Variants in RPS6KA5 observed in about 807,000 individuals in gnomAD.
RPS6KA5 encodes the protein ribosomal protein S6 kinase A5, also known as ribosomal protein S6 kinase alpha-5.
Under a neutral mutation model 85.5 loss-of-function variants are expected in RPS6KA5, and 27 were observed. That is an observed-to-expected ratio of 0.32 (90% CI 0.23 to 0.44). RPS6KA5 has a LOEUF of 0.44. RPS6KA5 is among the 20% of genes least tolerant of loss of function. The probability of loss-of-function intolerance (pLI) is 1.00; values close to 1 mark genes in which losing one functional copy is unlikely to be tolerated. For synonymous variants in RPS6KA5, 334 were observed against 348.2 expected (o/e 0.96, Z 0.46); for missense variants, 811 against 980.9 (o/e 0.83, Z 2.31).
In RPS6KA5 at chr14:90,978,517, T is replaced by A; in HGVS notation, c.183A>T (p.Gly61=). 6.3e-7 allele frequency: 1 copy of A among 1,577,974 alleles called. No individual in the cohort carries two copies. Among genetic ancestry groups the A allele is most frequent in the African/African-American group, 1.4e-5 (1 of 73,426 alleles). The change falls in exon 3 of 17, where the codon GGA becomes GGT. Residue 61 remains glycine (G), a synonymous_variant. Coordinates refer to ENST00000614987, the MANE Select transcript of RPS6KA5 (RefSeq NM_004755.4). ...TTATTTTACGAACTAGAAATACTTT[T>A]CCATAAGCTGAAAATGAAAAGAAAA... ...LLKVLGTGAY[G]KVFLVRKISG...
intron 1 of RPS6KA5, among the ~76,000 whole-genome samples, chr14:91,045,087 A>C (rs911573679): frequency 1.1e-4 from 16 of 152,276 alleles, no homozygotes; most frequent in African/African-American, 3.6e-4. Flanking sequence ...AGGATTTATA[A>C]TCTACTAAAC....
intron 2 of RPS6KA5, among the ~76,000 whole-genome samples, chr14:90,991,950 A>G (rs777978000): frequency 1.3e-5 from 2 of 152,136 alleles, no homozygotes; most frequent in Admixed American, 6.5e-5. Flanking sequence ...AGTCTTCAAG[A>G]TATTTGATGA....
chr14:91,048,488 C>G (rs1278763035), intron 1 of RPS6KA5, among the ~76,000 whole-genome samples: 3 of 152,016 alleles, frequency 2.0e-5, no homozygotes, highest in Non-Finnish European at 4.4e-5. Context: ...AGGATGCCTA[C>G]TGAATACTTT....
chr14:91,001,532 A>G (rs12897149), intron 1 of RPS6KA5, among the ~76,000 whole-genome samples: 37,326 of 152,116 alleles, frequency 0.25, 5,753 homozygotes, highest in South Asian at 0.37. Context: ...TGATTCGACA[A>G]ACATTTACTG....
intron 3 of RPS6KA5, among the ~76,000 whole-genome samples, chr14:90,976,727 T>G (rs1039077997): frequency 6.6e-6 from 1 of 152,112 alleles, no homozygotes; most frequent in Non-Finnish European, 1.5e-5. Context: ...AGGCAAATGA[T>G]AACATTAATG....
intron 1 of RPS6KA5, among the ~76,000 whole-genome samples, chr14:91,029,233 T>G (rs2042094711): frequency 6.6e-6 from 1 of 152,228 alleles, no homozygotes; most frequent in Admixed American, 6.5e-5. Context: ...ACTTTCCCAC[T>G]ATTTGCTTTA....
At chr14:91,040,825 T>G (rs745950422) in intron 1 of RPS6KA5, among the ~76,000 whole-genome samples, 8 of 152,158 alleles carry the variant, frequency 5.3e-5, no homozygotes, top group Non-Finnish European at 7.3e-5. Flanking sequence ...CACTGAGTGC[T>G]CTACAGAAAT....
At chr14:91,011,254 G>A (rs578106968) in intron 1 of RPS6KA5, among the ~76,000 whole-genome samples, 2 of 152,236 alleles carry the variant, frequency 1.3e-5, no homozygotes, top group Non-Finnish European at 2.9e-5. Context: ...TTGGGAGGCC[G>A]AGGCGGGTGG....
At position 90,851,203 on chromosome 14, in the gene RPS6KA5, A is replaced by G. The variant is rs2031983745; in HGVS notation, c.*20871T>C. The G allele has an allele frequency of 2.0e-5, 3 of 152,150 alleles. No homozygotes were observed. Among genetic ancestry groups the G allele is most frequent in the African/African-American group, 4.8e-5 (2 of 41,468 alleles). 9.4% of individuals were successfully genotyped at this position (152,150 alleles called of 1,614,324 possible). A position where few individuals can be genotyped will look rare whatever the true frequency, so the allele number is the denominator to read the frequency against. On this transcript the variant is annotated 3_prime_UTR_variant, in exon 17 of 17. Coordinates refer to ENST00000614987, the MANE Select transcript of RPS6KA5 (RefSeq NM_004755.4). ...CAGGCGCTCATCACCATGCCTGGCT[A>G]ATTTTTTTGTACTTTTAGTAGAGAC...
chr14:91,044,392 G>GAAAGAAAGAAA (rs2042765068), intron 1 of RPS6KA5, among the ~76,000 whole-genome samples: 1 of 55,172 alleles, frequency 1.8e-5, no homozygotes, highest in African/African-American at 6.4e-5. Context: ...AAAGAAAGAA[G>GAAAGAAAGAAA]GAAAGAAAGA....
intron 15 of RPS6KA5, 86 bp from the exon 16 acceptor site, chr14:90,873,881 C>T (rs911740485): frequency 5.2e-6 from 6 of 1,158,106 alleles, no homozygotes; most frequent in Admixed American, 1.9e-5. Context: ...CAGCTATGTT[C>T]ACATGACATA....
chr14:90,896,624 G>A (rs1313527717), intron 12 of RPS6KA5, among the ~76,000 whole-genome samples: 1 of 152,216 alleles, frequency 6.6e-6, no homozygotes, highest in Non-Finnish European at 1.5e-5. Flanking sequence ...TCACAGCCAA[G>A]GAAATGTTGG....
In RPS6KA5 at chr14:90,871,044, T is replaced by C. The variant is rs1484602562; in HGVS notation, c.*1030A>G. ...TCTAAAATATTATGTACATAATATA[T>C]GACTACAGGAGGAAATTCCTCACTG... On this transcript the variant is annotated 3_prime_UTR_variant, in exon 17 of 17. Coordinates refer to ENST00000614987, the MANE Select transcript of RPS6KA5 (RefSeq NM_004755.4). The C allele has an allele frequency of 6.6e-6, 1 of 152,544 alleles. No individual in the cohort carries two copies. The highest frequency in any genetic ancestry group is 6.5e-5 in the Admixed American group (1 of 15,276). 9.4% of individuals were successfully genotyped at this position (152,544 alleles called of 1,614,324 possible). A position where few individuals can be genotyped will look rare whatever the true frequency, so the allele number is the denominator to read the frequency against.
chr14:90,936,240 G>A (rs1395189223), intron 5 of RPS6KA5, among the ~76,000 whole-genome samples: 2 of 152,128 alleles, frequency 1.3e-5, no homozygotes, highest in African/African-American at 4.8e-5. Flanking sequence ...ACTTTAACCT[G>A]TATGTAGTCT....
At chr14:90,880,557 CTGTA>C (rs2033769142) in intron 14 of RPS6KA5, among the ~76,000 whole-genome samples, 1 of 152,190 alleles carries the variant, frequency 6.6e-6, no homozygotes, top group South Asian at 2.1e-4. Context: ...CATTTTAACT[CTGTA>C]TGTGTCCATT....
chr14:90,953,100 A>G (rs2038297375), intron 3 of RPS6KA5, among the ~76,000 whole-genome samples: 1 of 152,202 alleles, frequency 6.6e-6, no homozygotes, highest in Admixed American at 6.5e-5. Flanking sequence ...AAAGGGAGAG[A>G]TGTTGCGAGA....
intron 7 of RPS6KA5, 42 bp from the exon 8 acceptor site, chr14:90,906,341 C>CAAAA: frequency 8.6e-7 from 1 of 1,159,050 alleles, no homozygotes. Flanking sequence ...AACAGGATGA[C>CAAAA]AAAAAAAAAA....
At chr14:90,904,179 G>A (rs182198255) in intron 8 of RPS6KA5, among the ~76,000 whole-genome samples, 10 of 152,270 alleles carry the variant, frequency 6.6e-5, no homozygotes, top group East Asian at 5.8e-4. Context: ...TCGATCTCCT[G>A]ACCTAGTGAT....
intron 4 of RPS6KA5, among the ~76,000 whole-genome samples, chr14:90,944,094 T>C (rs1453796392): frequency 6.6e-6 from 1 of 152,236 alleles, no homozygotes; most frequent in Non-Finnish European, 1.5e-5. Flanking sequence ...TTTGCATTTA[T>C]AAAACTTACT....
Sources: gnomAD v4.1 joint callset for allele counts (sites outside exome capture counted in the v4.1 genomes callset) on GRCh38, gnomAD v4.1.1 for gene constraint, MANE v1.5 for transcripts, NCBI Gene and HGNC (gene_info 2026-07-23, HGNC 2026-07-21) for gene names.